ABCD3: variants seen among roughly 807,000 people sequenced by gnomAD.
ABCD3 encodes ATP-binding cassette sub-family D member 3.
ABCD3 carries 41 observed loss-of-function variants against 105.5 expected under a neutral mutation model. The ratio of observed to expected loss-of-function variants is 0.39; its 90% CI spans 0.30 to 0.50. The LOEUF (loss-of-function observed/expected upper bound fraction) is 0.50. Ranked by LOEUF, ABCD3 falls within the 20% of genes least tolerant of loss-of-function variation. The pLI is 0.84. For synonymous variants in ABCD3, 258 were observed against 269.0 expected (o/e 0.96, Z 0.40); for missense variants, 622 against 806.3 (o/e 0.77, Z 2.77).
chr1:94,450,754 T>A (rs1482781928), intron 1 of ABCD3, among the ~76,000 whole-genome samples: 2 of 152,232 alleles, frequency 1.3e-5, no homozygotes, highest in East Asian at 3.9e-4. Flanking sequence ...CTAGTGCCGC[T>A]GGGTTAGGGT....
chr1:94,490,798 T>G (rs1570811650), intron 15 of ABCD3, among the ~76,000 whole-genome samples: 1 of 152,226 alleles, frequency 6.6e-6, no homozygotes, highest in East Asian at 1.9e-4. Flanking sequence ...GTGGGATTGC[T>G]AGATCATACG....
the ABCD3 span, among the ~76,000 whole-genome samples, chr1:94,407,459 T>C: frequency 6.6e-6 from 1 of 152,206 alleles, no homozygotes; most frequent in Non-Finnish European, 1.5e-5. Flanking sequence ...TTTGCTCAAG[T>C]CTTCTTTTCT....
chr1:94,487,410 T>C, intron 10 of ABCD3, 132 bp from the exon 11 acceptor site: 2 of 837,838 alleles, frequency 2.4e-6, no homozygotes, highest in Non-Finnish European at 3.9e-6. Flanking sequence ...ATAAACAGAA[T>C]ATAAACAGAA....
At chr1:94,409,400 T>C in the ABCD3 span, among the ~76,000 whole-genome samples, 1 of 152,212 alleles carries the variant, frequency 6.6e-6, no homozygotes, top group Admixed American at 6.5e-5. Context: ...TCTTATTTTT[T>C]TAACTGTTTT....
chr1:94,453,358 G>C (rs939776337), intron 1 of ABCD3, among the ~76,000 whole-genome samples: 1 of 145,578 alleles, frequency 6.9e-6, no homozygotes, highest in African/African-American at 2.5e-5. Context: ...TCTCGCTGTC[G>C]CCCAGGTTGG....
intron 16 of ABCD3, among the ~76,000 whole-genome samples, chr1:94,495,953 CA>C (rs990953024): frequency 7.9e-5 from 12 of 152,050 alleles, no homozygotes; most frequent in Admixed American, 7.9e-4. Context: ...AGAAGTCTAT[CA>C]AAATGATTCT....
intron 1 of ABCD3, among the ~76,000 whole-genome samples, chr1:94,426,848 ATTTTTTTTTTT>A (rs67942477): frequency 7.6e-6 from 1 of 131,618 alleles, no homozygotes; most frequent in Non-Finnish European, 1.6e-5. Context: ...CCCAGCCTGA[ATTTTTTTTTTT>A]TTTTTTTTTT....
chr1:94,422,289 G>A (rs1659289567), intron 1 of ABCD3, among the ~76,000 whole-genome samples: 1 of 152,188 alleles, frequency 6.6e-6, no homozygotes, highest in Non-Finnish European at 1.5e-5. Context: ...CCTCCTGTCA[G>A]ATCAGCAGGG....
intron 1 of ABCD3, among the ~76,000 whole-genome samples, chr1:94,451,994 C>G (rs570758423): frequency 2.0e-5 from 3 of 152,278 alleles, no homozygotes; most frequent in African/African-American, 7.2e-5. Context: ...TTCTTCCACT[C>G]TCATACCCAC....
intron 1 of ABCD3, among the ~76,000 whole-genome samples, chr1:94,436,644 C>A (rs1659912083): frequency 6.6e-6 from 1 of 152,198 alleles, no homozygotes; most frequent in African/African-American, 2.4e-5. Flanking sequence ...TTACCAACAG[C>A]ATGTGCTCAC....
rs1347822581 is a variant in ABCD3 at position 94,478,274 on chromosome 1, G to A, written c.643G>A (p.Val215Ile). The change falls in exon 8 of 23, where the codon GTT (valine) becomes ATT (isoleucine). Residue 215 changes from valine (V) to isoleucine (I), a missense_variant. By Grantham distance (29) the Val-to-Ile change is conservative. Around this residue, in one of 4 missense-constraint regions of ABCD3, gnomAD observed 245 missense variants for 356.4 expected, o/e 0.69. Transcript: ENST00000370214. ...TATTTTACAGCCATTTTTAGACATAGTTTTGTATATCTTTAAGTTAACGAG... is the reference window on the plus strand; with the variant it reads ...TATTTTACAGCCATTTTTAGACATAATTTTGTATATCTTTAAGTTAACGAG... ...SNLSKPFLDI[V>I]LYIFKLTSAI... 2 of 1,599,474 alleles carry A rather than the reference G, an allele frequency of 1.3e-6. No homozygotes were observed. Among genetic ancestry groups the A allele is most frequent in the Non-Finnish European group, 1.7e-6 (2 of 1,169,006 alleles).
chr1:94,440,217 T>C (rs979708446), intron 1 of ABCD3, among the ~76,000 whole-genome samples: 6 of 152,370 alleles, frequency 3.9e-5, no homozygotes, highest in South Asian at 2.1e-4. Flanking sequence ...TTTTCTTTTT[T>C]TGTCTGAAAT....
chr1:94,515,065 T>TCTTAACAGC, intron 21 of ABCD3, 81 bp from the exon 22 acceptor site: 2 of 1,126,666 alleles, frequency 1.8e-6, no homozygotes, highest in Non-Finnish European at 2.7e-6. Context: ...AAGACTGTCC[T>TCTTAACAGC]CTTAACAGCT....
the ABCD3 span, among the ~76,000 whole-genome samples, chr1:94,392,526 C>T: frequency 6.6e-6 from 1 of 152,224 alleles, no homozygotes; most frequent in Non-Finnish European, 1.5e-5. Context: ...TTCTATCCAT[C>T]TTACCTTAAA....
intron 1 of ABCD3, among the ~76,000 whole-genome samples, chr1:94,435,599 A>G (rs1659873214): frequency 6.6e-6 from 1 of 152,174 alleles, no homozygotes; most frequent in Non-Finnish European, 1.5e-5. Flanking sequence ...GATGCTTGAC[A>G]CCTAGATCAG....
chr1:94,444,241 A>G (rs1660251003), intron 1 of ABCD3, among the ~76,000 whole-genome samples: 1 of 150,446 alleles, frequency 6.6e-6, no homozygotes, highest in Non-Finnish European at 1.5e-5. Flanking sequence ...CTGAGGCAGG[A>G]GAATTGCTTG....
At position 94,478,242 on chromosome 1, in the gene ABCD3, T is replaced by C; in HGVS notation, c.628-17T>C. 1 of 1,467,228 alleles carries C rather than the reference T, an allele frequency of 6.8e-7. No homozygotes were observed. Among genetic ancestry groups the C allele is most frequent in the Non-Finnish European group, 9.5e-7 (1 of 1,049,260 alleles). 90.9% of individuals were successfully genotyped at this position (1,467,228 alleles called of 1,614,324 possible). A position where few individuals can be genotyped will look rare whatever the true frequency, so the allele number is the denominator to read the frequency against. On this transcript the variant is annotated splice_polypyrimidine_tract_variant and intron_variant, in intron 7 of 22. Transcript: ENST00000370214. ...GCTTTAGTTTTAATTCTGTGTATTC[T>C]AATATTTATTTTACAGCCATTTTTA...
At chr1:94,404,937 CGAAAAAAAAAAAAA>C in the ABCD3 span, among the ~76,000 whole-genome samples, 1 of 131,678 alleles carries the variant, frequency 7.6e-6, no homozygotes, top group Non-Finnish European at 1.6e-5. Context: ...AGACCCATCT[CGAAAAAAAAAAAAA>C]GAAAAAAAAA....
chr1:94,413,792 A>T (rs894250322), upstream of ABCD3, among the ~76,000 whole-genome samples: 10 of 152,176 alleles, frequency 6.6e-5, no homozygotes, highest in Non-Finnish European at 1.0e-4. Context: ...TCTCTAAAAA[A>T]AATTTAAGAT....
Sources: allele counts gnomAD v4.1 joint callset (sites outside exome capture counted in the v4.1 genomes callset), GRCh38; gene constraint gnomAD v4.1.1; regional missense constraint gnomAD v4.1.1; transcripts MANE v1.5; gene names NCBI Gene and HGNC (gene_info 2026-07-23, HGNC 2026-07-21).